Variants in RUSF1 observed in about 807,000 individuals in gnomAD.
The protein encoded by RUSF1 is RUS family member 1.
Under a neutral mutation model 63.0 loss-of-function variants are expected in RUSF1, and 58 were observed. The ratio of observed to expected loss-of-function variants is 0.92; its 90% CI spans 0.75 to 1.15. The LOEUF (loss-of-function observed/expected upper bound fraction) is 1.15. RUSF1 is among the 50% of genes most tolerant of loss of function. The pLI, the probability that RUSF1 is intolerant of heterozygous loss-of-function variation, is 0.00. For synonymous variants in RUSF1, 274 were observed against 255.8 expected (o/e 1.07, Z -0.68); for missense variants, 652 against 611.0 (o/e 1.07, Z -0.71).
intron 2 of RUSF1, among the ~76,000 whole-genome samples, chr16:31,501,216 T>C (rs932937050): frequency 2.0e-5 from 3 of 152,246 alleles, no homozygotes; most frequent in Non-Finnish European, 2.9e-5. Context: ...AAGTGGAAAT[T>C]CAAAGGTTAT....
chr16:31,503,080 A>T (rs576623633), intron 2 of RUSF1, among the ~76,000 whole-genome samples: 1 of 152,368 alleles, frequency 6.6e-6, no homozygotes, highest in African/African-American at 2.4e-5. Context: ...ACTCCCTAGC[A>T]TCTGAGTCAC....
chr16:31,508,212 T>C lies in RUSF1; in HGVS notation c.162A>G (p.Gly54=). 1.9e-6 allele frequency: 3 copies of C among 1,564,564 alleles called. No homozygotes were observed. The South Asian group carries it at 3.5e-5, about 18-fold the overall frequency. ...AAGCCCCCACTTCGCCCGCATCTCG[T>C]CCTTCAGGTTTGACCGTGAAGGCCC... is the stretch of plus-strand genomic sequence containing the variant. ...LSRAFTVKPE[G]RDAGEVGASG... is the part of the protein sequence containing the mutation. Residue 54 remains glycine, a synonymous_variant, in exon 1 of 13, where the codon GGA becomes GGG. Transcript: ENST00000327237.
At chr16:31,501,596 GAAAAA>G (rs1258273909) in intron 2 of RUSF1, among the ~76,000 whole-genome samples, 1 of 120,098 alleles carries the variant, frequency 8.3e-6, no homozygotes. Flanking sequence ...CCAGTCTCAG[GAAAAA>G]AAAAAAAAAA....
rs755805117 is a variant in RUSF1 at position 31,493,017 on chromosome 16, G to A, written c.1048C>T (p.His350Tyr). The change falls in exon 10 of 13, where the codon CAC (histidine) becomes TAC (tyrosine). Residue 350 changes from histidine to tyrosine, a missense_variant. Transcript: ENST00000327237. ...VFELQQLVEG[H>Y]QESYLLCWDQ... is the part of the protein sequence containing the mutation. ...CAGCAGAGGAGGTAGGATTCTTGGTGCCCCTCAACCAGCTGCTGCAGCTCA... is the reference window on the plus strand; with the variant it reads ...CAGCAGAGGAGGTAGGATTCTTGGTACCCCTCAACCAGCTGCTGCAGCTCA... 6.2e-7 allele frequency: 1 copy of A among 1,613,762 alleles called. No individual in the cohort carries two copies. The highest frequency in any genetic ancestry group is 1.1e-5 in the South Asian group (1 of 91,066).
At chr16:31,496,794 C>T (rs2142650692) in intron 6 of RUSF1, 55 bp downstream of exon 6, 1 of 1,393,184 alleles carries the variant, frequency 7.2e-7, no homozygotes, top group Non-Finnish European at 9.7e-7. Flanking sequence ...ACTCAAGTGG[C>T]TTCTCTCCCC....
chr16:31,489,727 G>C lies in RUSF1; in HGVS notation c.*1108C>G. On this transcript the variant is annotated 3_prime_UTR_variant, in exon 13 of 13. Transcript: ENST00000327237. ...AGGGTGGGGTGAGGACAGGACAAGA[G>C]ATCTGGGTGTGGAAGGATGGCCGGG... The C allele has an allele frequency of 2.2e-6, 1 of 447,850 alleles. No homozygotes were observed. The highest frequency in any genetic ancestry group is 4.1e-6 in the Non-Finnish European group (1 of 240,984). 27.7% of individuals were successfully genotyped at this position (447,850 alleles called of 1,614,324 possible).
rs144693696 is a variant in RUSF1, at chr16:31,493,683, C to T, written c.878G>A (p.Arg293Gln). ...CTGAAGGTAGTGCTTCAGGACCAGC[C>T]GGAGCCGGCCTTCGTTCAAGGTCTC... is the stretch of plus-strand genomic sequence containing the variant. ...VMETLNEGRL[R>Q]LVLKHYLQRG... The change falls in exon 8 of 13, where the codon CGG (arginine) becomes CAG (glutamine). Residue 293 changes from arginine (R) to glutamine (Q), a missense_variant. By Grantham distance (43) the Arg-to-Gln change is conservative. Transcript: ENST00000327237. The T allele has an allele frequency of 1.7e-4, 280 of 1,614,232 alleles. 1 individual carries two copies. The highest frequency in any genetic ancestry group is 2.2e-4 in the Non-Finnish European group (259 of 1,180,044).
At position 31,499,388 on chromosome 16, in the gene RUSF1, T is replaced by C. The variant is rs1422540197; in HGVS notation, c.514A>G (p.Asn172Asp). ...ATCTCAAGGAACATGGCTACGTCAT[T>C]GAGGATGTCCGCAAAAAGCCTGGGG... ...KQWRLFADIL[N>D]DVAMFLEIMA... Residue 172 changes from asparagine (N) to aspartate (D), a missense_variant, in exon 5 of 13, where the codon AAT becomes GAT. Physicochemically the swap from Asn to Asp is conservative, Grantham distance 23. Transcript: ENST00000327237. The C allele has an allele frequency of 1.2e-6, 2 of 1,613,918 alleles. No individual in the cohort carries two copies. The highest frequency in any genetic ancestry group is 2.2e-5 in the South Asian group (2 of 91,056).
rs745521117 is a variant in RUSF1, at chr16:31,493,734, T to C, written c.827A>G (p.Tyr276Cys). ...CATGACCAGGGCTCGGACCGCGCGGTAGTTGGCGTAGATGTGGAGGGCAGT... is the reference window on the plus strand; with the variant it reads ...CATGACCAGGGCTCGGACCGCGCGGCAGTTGGCGTAGATGTGGAGGGCAGT... ...FLTALHIYAN[Y>C]RAVRALVMET... The change falls in exon 8 of 13, where the codon TAC becomes TGC. Residue 276 changes from tyrosine to cysteine, a missense_variant. By Grantham distance (194) the Tyr-to-Cys change is radical. Coordinates refer to ENST00000327237, the MANE Select transcript of RUSF1 (RefSeq NM_022744.4). The C allele has an allele frequency of 9.3e-6, 15 of 1,613,916 alleles. No individual in the cohort carries two copies. Among genetic ancestry groups the C allele is most frequent in the Non-Finnish European group, 1.2e-5 (14 of 1,179,990 alleles).
In RUSF1 at chr16:31,493,935, T is replaced by A; in HGVS notation, c.704A>T (p.Glu235Val). 2 of 1,614,026 alleles carry A rather than the reference T, an allele frequency of 1.2e-6. No individual in the cohort carries two copies. Among genetic ancestry groups the A allele is most frequent in the Non-Finnish European group, 1.7e-6 (2 of 1,179,992 alleles). Residue 235 changes from glutamate to valine, a missense_variant and splice_region_variant, in exon 7 of 13, where the codon GAG (glutamate) becomes GTG (valine). Transcript: ENST00000327237. ...ADVSAKDSSQ[E>V]TLVNLAGLLV... ...GAGCCCCGCCAGGTTCACCAGCGTC[T>A]CCTGGAAAATGGCAGAGGGAGAAGG...
At chr16:31,508,024 G>A in intron 1 of RUSF1, 50 bp downstream of exon 1, 1 of 1,559,118 alleles carries the variant, frequency 6.4e-7, no homozygotes, top group Non-Finnish European at 8.7e-7. Context: ...CCATTATTGG[G>A]GAGGGAGGAG....
chr16:31,491,049 A>T, intron 12 of RUSF1, 117 bp from the exon 13 acceptor site: 2 of 896,002 alleles, frequency 2.2e-6, no homozygotes, highest in Non-Finnish European at 3.5e-6. Flanking sequence ...CTGGGTGAGT[A>T]TGGCATAAAA....
intron 2 of RUSF1, among the ~76,000 whole-genome samples, chr16:31,502,470 G>C (rs1197067444): frequency 1.3e-5 from 2 of 152,106 alleles, no homozygotes; most frequent in African/African-American, 4.8e-5. Flanking sequence ...CTTCACTAAG[G>C]CTCCCATTAA....
At chr16:31,495,031 T>TA (rs1236960041) in intron 6 of RUSF1, among the ~76,000 whole-genome samples, 1 of 152,100 alleles carries the variant, frequency 6.6e-6, no homozygotes, top group African/African-American at 2.4e-5. Context: ...TGGTATGCAG[T>TA]AACTGGCAGA....
intron 2 of RUSF1, 145 bp from the exon 3 acceptor site, chr16:31,500,876 G>A (rs2082629783): frequency 2.6e-6 from 2 of 776,226 alleles, no homozygotes; most frequent in Admixed American, 3.1e-5. Flanking sequence ...GATAGTCATA[G>A]CTACATAATG....
Position 31,508,101 on chromosome 16 carries a change from C to T in RUSF1, c.273G>A (p.Leu91=). ...GCACGGAATCCCACAGCTGGTAGGG[C>T]AAGTAGTCCGGGCTGACGCTATCAG... ...GFPDSVSPDY[L]PYQLWDSVQA... is the part of the protein sequence containing the mutation. The change falls in exon 1 of 13, where the codon TTG becomes TTA. Residue 91 remains leucine, a synonymous_variant. Transcript: ENST00000327237. 6.2e-7 allele frequency: 1 copy of T among 1,605,676 alleles called. No homozygotes were observed. The highest frequency in any genetic ancestry group is 1.3e-5 in the African/African-American group (1 of 74,726).
At chr16:31,498,916 G>A (rs2082618231) in intron 5 of RUSF1, among the ~76,000 whole-genome samples, 2 of 152,134 alleles carry the variant, frequency 1.3e-5, no homozygotes, top group Admixed American at 6.5e-5. Context: ...ACAAACACTG[G>A]TGCAATTATG....
chr16:31,503,999 C>G (rs2082645371), intron 2 of RUSF1, among the ~76,000 whole-genome samples: 1 of 150,994 alleles, frequency 6.6e-6, no homozygotes, highest in Admixed American at 6.6e-5. Context: ...CATCCTTTTT[C>G]TTTGAGACAG....
In RUSF1 at chr16:31,489,848, T is replaced by A. The variant is rs143696144; in HGVS notation, c.*987A>T. On this transcript the variant is annotated 3_prime_UTR_variant, in exon 13 of 13. Transcript: ENST00000327237. ...AGTGTCACAAGCGCTACCATCTGGG[T>A]GTAGACAGACCTGAGCTGACAAAGC... 1 of 519,934 alleles carries A rather than the reference T, an allele frequency of 1.9e-6. No homozygotes were observed. Among genetic ancestry groups the A allele is most frequent in the Admixed American group, 2.9e-5 (1 of 34,506 alleles). 32.2% of individuals were successfully genotyped at this position (519,934 alleles called of 1,614,324 possible).
Sources: gnomAD v4.1 joint callset for allele counts (sites outside exome capture counted in the v4.1 genomes callset) on GRCh38, gnomAD v4.1.1 for gene constraint, MANE v1.5 for transcripts, NCBI Gene and HGNC (gene_info 2026-07-23, HGNC 2026-07-21) for gene names.